ACOT13: variants seen among roughly 807,000 people sequenced by gnomAD.
The protein encoded by ACOT13 is acyl-CoA thioesterase 13, also known as acyl-coenzyme A thioesterase 13.
A neutral mutation model predicts 11.8 loss-of-function variants in ACOT13; 10 were observed. The ratio of observed to expected loss-of-function variants is 0.85; its 90% CI spans 0.53 to 1.44. The LOEUF (loss-of-function observed/expected upper bound fraction) is 1.44, where lower values mean the gene tolerates loss of function less well. ACOT13 is among the 40% of genes most tolerant of loss of function. ACOT13 has a pLI of 0.00. For synonymous variants in ACOT13, 53 were observed against 61.0 expected (o/e 0.87, Z 0.61); for missense variants, 172 against 174.1 (o/e 0.99, Z 0.07).
chr6:24,692,171 G>C (rs2127626948), intron 1 of ACOT13, among the ~76,000 whole-genome samples: 1 of 152,222 alleles, frequency 6.6e-6, no homozygotes, highest in South Asian at 2.1e-4. Flanking sequence ...GGAGTGGCTG[G>C]GAGAGTAGGA....
intron 1 of ACOT13, chr6:24,687,586 G>A: frequency 1.4e-6 from 2 of 1,464,702 alleles, no homozygotes; most frequent in Non-Finnish European, 1.8e-6. Context: ...GAGATGTCAA[G>A]AGGAGGAACA....
intron 1 of ACOT13, among the ~76,000 whole-genome samples, chr6:24,689,530 C>T (rs1247254997): frequency 6.6e-6 from 1 of 151,908 alleles, no homozygotes; most frequent in Non-Finnish European, 1.5e-5. Flanking sequence ...ATGAAAGCTG[C>T]CAAGTAATGT....
chr6:24,692,859 G>A (rs574372932), intron 1 of ACOT13, among the ~76,000 whole-genome samples: 5 of 152,306 alleles, frequency 3.3e-5, no homozygotes, highest in Admixed American at 6.5e-5. Context: ...ACCATTAAGC[G>A]GAAGCCACCT....
chr6:24,671,353 A>G (rs1021551240), intron 1 of ACOT13, among the ~76,000 whole-genome samples: 2 of 152,112 alleles, frequency 1.3e-5, no homozygotes, highest in Non-Finnish European at 2.9e-5. Flanking sequence ...TCAGCAAACT[A>G]TCACAAGGAC....
chr6:24,685,277 A>T (rs9379683), intron 1 of ACOT13, among the ~76,000 whole-genome samples: 3,011 of 148,688 alleles, frequency 0.02, 41 homozygotes, highest in South Asian at 0.06. Flanking sequence ...GTATGTATTT[A>T]TGCATAGTAA....
In ACOT13 at chr6:24,701,600, A is replaced by G; in HGVS notation, c.408A>G (p.Lys136=). The G allele has an allele frequency of 6.2e-7, 1 of 1,611,034 alleles. No homozygotes were observed. Among genetic ancestry groups the G allele is most frequent in the South Asian group, 1.1e-5 (1 of 90,636 alleles). ...GKLIAQGRHT[K]HLGN ...TAATAGCACAAGGAAGACACACAAA[A>G]CACCTGGGAAACTGAGAGAACAGCA... Residue 136 remains lysine (K), a synonymous_variant, in exon 3 of 3, where the codon AAA becomes AAG. Transcript: ENST00000230048.
At chr6:24,668,428 T>C (rs1447590942) in intron 1 of ACOT13, among the ~76,000 whole-genome samples, 1 of 151,616 alleles carries the variant, frequency 6.6e-6, no homozygotes, top group African/African-American at 2.4e-5. Flanking sequence ...ATCATGTTGG[T>C]CAGGCTGGTC....
At position 24,701,620 on chromosome 6, in the gene ACOT13, A is replaced by G. The variant is rs1778894332; in HGVS notation, c.*5A>G. ...ACAAAACACCTGGGAAACTGAGAGA[A>G]CAGCAGAATGACCTAAAGAAACCCA... On this transcript the variant is annotated 3_prime_UTR_variant, in exon 3 of 3. Coordinates refer to ENST00000230048, the MANE Select transcript of ACOT13 (RefSeq NM_018473.4). 1 of 1,606,346 alleles carries G rather than the reference A, an allele frequency of 6.2e-7. No homozygotes were observed. The highest frequency in any genetic ancestry group is 8.5e-7 in the Non-Finnish European group (1 of 1,175,950).
chr6:24,689,082 C>T (rs1480141570), intron 1 of ACOT13, among the ~76,000 whole-genome samples: 1 of 151,886 alleles, frequency 6.6e-6, no homozygotes, highest in Non-Finnish European at 1.5e-5. Flanking sequence ...ATCTTTGAAC[C>T]TAGGAGGTGG....
intron 1 of ACOT13, among the ~76,000 whole-genome samples, chr6:24,694,261 A>T (rs1190506746): frequency 6.6e-6 from 1 of 152,196 alleles, no homozygotes; most frequent in Non-Finnish European, 1.5e-5. Context: ...CATGGCAGGT[A>T]AATTTTTGAC....
rs1778915913 is a variant in ACOT13 at position 24,702,856 on chromosome 6, T to C, written c.*1241T>C. ...AGATCTCAAACCTCCAAGTCTATAG[T>C]ATTGAAAAGACCAAGTTCACTTCTC... On this transcript the variant is annotated 3_prime_UTR_variant, in exon 3 of 3. Coordinates refer to ENST00000230048, the MANE Select transcript of ACOT13 (RefSeq NM_018473.4). 1 of 152,000 alleles carries C rather than the reference T, an allele frequency of 6.6e-6. No homozygotes were observed. The highest frequency in any genetic ancestry group is 2.1e-4 in the South Asian group (1 of 4,810). 9.4% of individuals were successfully genotyped at this position (152,000 alleles called of 1,614,324 possible). A position where few individuals can be genotyped will look rare whatever the true frequency, so the allele number is the denominator to read the frequency against.
rs983789514 is a variant in ACOT13 at position 24,680,848 on chromosome 6, G to A, written c.81+13504G>A. On this transcript the variant is annotated intron_variant, in intron 1 of 2. Transcript: ENST00000230048. ...TTGAAATAGTCTTTTGATTATGTAAGTATGGGCTTGGCTGAGTGCAAACAG... is the reference window on the plus strand; with the variant it reads ...TTGAAATAGTCTTTTGATTATGTAAATATGGGCTTGGCTGAGTGCAAACAG... Among the ~76,000 whole-genome samples the A allele has an allele frequency of 2.0e-4, 31 of 152,340 alleles. 1 individual carries two copies. The highest frequency in any genetic ancestry group is 7.5e-4 in the African/African-American group (31 of 41,574).
chr6:24,696,696 C>T (rs1323055545), intron 1 of ACOT13, among the ~76,000 whole-genome samples: 2 of 152,138 alleles, frequency 1.3e-5, no homozygotes, highest in African/African-American at 2.4e-5. Context: ...ATGGTTTTTC[C>T]TAGTAATTTA....
At chr6:24,691,647 G>C (rs993697757) in intron 1 of ACOT13, among the ~76,000 whole-genome samples, 3 of 152,054 alleles carry the variant, frequency 2.0e-5, no homozygotes, top group Non-Finnish European at 4.4e-5. Context: ...ATAAAGACCT[G>C]AGAAAGTCAT....
chr6:24,701,598 A>G lies in ACOT13; in HGVS notation c.406A>G (p.Lys136Glu), dbSNP rs754549158. The change falls in exon 3 of 3, where the codon AAA becomes GAA. Residue 136 changes from lysine (K) to glutamate (E), a missense_variant. Physicochemically the swap from Lys to Glu is moderately conservative, Grantham distance 56. Transcript: ENST00000230048. ...GKLIAQGRHTKHLGN is the reference protein window; with the variant it reads ...GKLIAQGRHTEHLGN ...ATTAATAGCACAAGGAAGACACACA[A>G]AACACCTGGGAAACTGAGAGAACAG... is the stretch of plus-strand genomic sequence containing the variant. 5.6e-6 allele frequency: 9 copies of G among 1,611,780 alleles called. No individual in the cohort carries two copies. The highest frequency in any genetic ancestry group is 1.3e-5 in the African/African-American group (1 of 74,866).
At chr6:24,678,598 A>G (rs976954292) in intron 1 of ACOT13, among the ~76,000 whole-genome samples, 1 of 152,188 alleles carries the variant, frequency 6.6e-6, no homozygotes, top group African/African-American at 2.4e-5. Flanking sequence ...TCTGTTGCCC[A>G]GACGTCAGGA....
chr6:24,668,807 A>AT (rs17243129), intron 1 of ACOT13, among the ~76,000 whole-genome samples: 57,348 of 152,034 alleles, frequency 0.38, 12,195 homozygotes, highest in Non-Finnish European at 0.5. Context: ...AGAAAGAATA[A>AT]TTTTTTTTAA....
chr6:24,676,587 T>A, intron 1 of ACOT13, among the ~76,000 whole-genome samples: 1 of 152,240 alleles, frequency 6.6e-6, no homozygotes, highest in South Asian at 2.1e-4. Context: ...CCTGAGACTT[T>A]GCTGAAGTTG....
chr6:24,704,723 C>T lies in ACOT13; in HGVS notation c.*3108C>T, dbSNP rs1231032914. On this transcript the variant is annotated 3_prime_UTR_variant, in exon 3 of 3. Coordinates refer to ENST00000230048, the MANE Select transcript of ACOT13 (RefSeq NM_018473.4). Reference sequence around the variant, plus strand: ...AAAGCTGACAGTATGTTCTTGATTCCTGTTCTTGTTGAAGTTACACACTCA... The same window carrying T: ...AAAGCTGACAGTATGTTCTTGATTCTTGTTCTTGTTGAAGTTACACACTCA... 6.6e-6 allele frequency: 1 copy of T among 152,134 alleles called. No homozygotes were observed. Among genetic ancestry groups the T allele is most frequent in the African/African-American group, 2.4e-5 (1 of 41,432 alleles). The allele number at this position is 152,134 out of a possible 1,614,324, so 9.4% of individuals were successfully genotyped here.
Sources: allele counts gnomAD v4.1 joint callset (sites outside exome capture counted in the v4.1 genomes callset), GRCh38; gene constraint gnomAD v4.1.1; transcripts MANE v1.5; gene names NCBI Gene and HGNC (gene_info 2026-07-23, HGNC 2026-07-21).